The following CUL3 variants were observed in gnomAD, a reference collection of about 807,000 sequenced individuals.
CUL3 encodes cullin-3.
In CUL3, 19 loss-of-function variants were observed where a neutral mutation model predicts 89.1. That is an observed-to-expected ratio of 0.21 (90% CI 0.15 to 0.31). The LOEUF (loss-of-function observed/expected upper bound fraction) is 0.31, where lower values mean the gene tolerates loss of function less well. Among genes scored for constraint, CUL3 ranks in the 10% least tolerant of loss-of-function variants. The pLI, the probability that CUL3 is intolerant of heterozygous loss-of-function variation, is 1.00. For synonymous variants in CUL3, 351 were observed against 308.4 expected, an observed-to-expected ratio of 1.14 and a Z score of -1.45; for missense variants, 469 against 942.3, an observed-to-expected ratio of 0.50 and a Z score of 6.58.
At chr2:224,512,279 G>C (rs552622555) in intron 5 of CUL3, among the ~76,000 whole-genome samples, 5 of 151,892 alleles carry the variant, frequency 3.3e-5, no homozygotes, top group Non-Finnish European at 7.4e-5. Context: ...TGTATTTTTA[G>C]TAGAAATGGG....
intron 1 of CUL3, among the ~76,000 whole-genome samples, chr2:224,579,717 A>C (rs1384905851): frequency 5.9e-5 from 9 of 152,216 alleles, no homozygotes; most frequent in Admixed American, 3.9e-4. Flanking sequence ...GCAAGCTTTT[A>C]TAAACTAACT....
intron 1 of CUL3, among the ~76,000 whole-genome samples, chr2:224,558,564 C>T (rs1012620536): frequency 3.3e-5 from 5 of 152,138 alleles, no homozygotes; most frequent in African/African-American, 1.2e-4. Flanking sequence ...TTATTGTACT[C>T]GAAGTATAGC....
chr2:224,560,310 T>C (rs1694862963), intron 1 of CUL3: 1 of 152,202 alleles, frequency 6.6e-6, no homozygotes, highest in Admixed American at 6.5e-5. Flanking sequence ...GGAGTTGATC[T>C]ATTCTCATGG....
chr2:224,569,913 T>C (rs1402670372), intron 1 of CUL3: 1 of 252,906 alleles, frequency 4.0e-6, no homozygotes, highest in Admixed American at 3.1e-4. Flanking sequence ...AGAAAAAAAA[T>C]AAACAAGGGA....
intron 1 of CUL3, among the ~76,000 whole-genome samples, chr2:224,560,943 T>G (rs1694882095): frequency 6.6e-6 from 1 of 152,238 alleles, no homozygotes; most frequent in African/African-American, 2.4e-5. Flanking sequence ...TCAAACAAGC[T>G]GATTTCAGTG....
chr2:224,564,300 ATCT>A (rs748532968), intron 1 of CUL3, among the ~76,000 whole-genome samples: 2 of 152,144 alleles, frequency 1.3e-5, no homozygotes, highest in Non-Finnish European at 2.9e-5. Context: ...AAAAGAACAC[ATCT>A]TCTTCTATCC....
chr2:224,543,538 C>T (rs538684406), intron 2 of CUL3, among the ~76,000 whole-genome samples: 1 of 152,102 alleles, frequency 6.6e-6, no homozygotes, highest in Admixed American at 6.5e-5. Flanking sequence ...GGAGGCCACT[C>T]GTGTTTCAGA....
At chr2:224,524,228 C>T (rs1693381860) in intron 3 of CUL3, among the ~76,000 whole-genome samples, 1 of 152,086 alleles carries the variant, frequency 6.6e-6, no homozygotes, top group African/African-American at 2.4e-5. Context: ...TCCCTTCAGT[C>T]ACTTGCTGTC....
At chr2:224,512,462 C>T (rs1171588319) in intron 5 of CUL3, among the ~76,000 whole-genome samples, 1 of 152,190 alleles carries the variant, frequency 6.6e-6, no homozygotes, top group Non-Finnish European at 1.5e-5. Context: ...GTTAACTGCT[C>T]AGGTAGTTAC....
intron 5 of CUL3, 76 bp from the exon 6 acceptor site, chr2:224,511,658 T>C (rs1692831010): frequency 1.3e-6 from 1 of 763,772 alleles, no homozygotes; most frequent in South Asian, 2.1e-5. Context: ...GTTTCTACAG[T>C]GTTTATAATA....
intron 6 of CUL3, among the ~76,000 whole-genome samples, chr2:224,510,628 G>C (rs1052501106): frequency 6.6e-6 from 1 of 152,068 alleles, no homozygotes; most frequent in Non-Finnish European, 1.5e-5. Flanking sequence ...TACCATATAA[G>C]TGGTAAAGGC....
intron 6 of CUL3, among the ~76,000 whole-genome samples, chr2:224,507,365 A>G (rs994516622): frequency 6.6e-6 from 1 of 152,166 alleles, no homozygotes; most frequent in Non-Finnish European, 1.5e-5. Flanking sequence ...ACATAACTCT[A>G]ATGCAGACCT....
At chr2:224,497,686 A>C in intron 12 of CUL3, 67 bp downstream of exon 12, 1 of 1,195,842 alleles carries the variant, frequency 8.4e-7, no homozygotes, top group Non-Finnish European at 1.2e-6. Flanking sequence ...AGGTCAACAT[A>C]AATCACACAT....
intron 15 of CUL3, 85 bp from the exon 16 acceptor site, chr2:224,474,461 C>CA (rs1351050899): frequency 4.4e-6 from 5 of 1,142,724 alleles, no homozygotes; most frequent in African/African-American, 3.1e-5. Flanking sequence ...TTTTAACACT[C>CA]AGAGACTGAA....
intron 13 of CUL3, among the ~76,000 whole-genome samples, chr2:224,490,876 A>T (rs1691946057): frequency 6.6e-6 from 1 of 152,154 alleles, no homozygotes; most frequent in Non-Finnish European, 1.5e-5. Flanking sequence ...TCATAACACA[A>T]ATAATGCTAA....
chr2:224,569,682 T>TA (rs754463378), intron 1 of CUL3: 26 of 1,176,192 alleles, frequency 2.2e-5, no homozygotes, highest in African/African-American at 1.7e-5. Flanking sequence ...GTCTATTATA[T>TA]ACTTACACAT....
chr2:224,513,715 G>A lies in CUL3; in HGVS notation c.540-77C>T, dbSNP rs930539330. The A allele has an allele frequency of 2.2e-5, 22 of 1,001,152 alleles. No homozygotes were observed. The South Asian group carries it at 2.7e-4, about 12-fold the overall frequency. The allele number at this position is 1,001,152 out of a possible 1,614,324, so 62.0% of individuals were successfully genotyped here. On this transcript the variant is annotated intron_variant, in intron 4 of 15. Coordinates refer to ENST00000264414, the MANE Select transcript of CUL3 (RefSeq NM_003590.5). ...ACATAAAAATTACAAAAAGGAGTAGGTAAAAATATCTTCAGGACATTTAAC... is the reference window on the plus strand; with the variant it reads ...ACATAAAAATTACAAAAAGGAGTAGATAAAAATATCTTCAGGACATTTAAC...
At chr2:224,525,353 G>C (rs1439671655) in intron 3 of CUL3, among the ~76,000 whole-genome samples, 1 of 152,180 alleles carries the variant, frequency 6.6e-6, no homozygotes, top group African/African-American at 2.4e-5. Flanking sequence ...CAGTTATTCA[G>C]TAAATGTATG....
chr2:224,491,917 C>T (rs1161521219), intron 13 of CUL3, among the ~76,000 whole-genome samples: 1 of 152,076 alleles, frequency 6.6e-6, no homozygotes, highest in African/African-American at 2.4e-5. Context: ...AAAAGTTTTC[C>T]TATGCTGACC....
Sources: gnomAD v4.1 joint callset for allele counts (sites outside exome capture counted in the v4.1 genomes callset) on GRCh38, gnomAD v4.1.1 for gene constraint, MANE v1.5 for transcripts, NCBI Gene and HGNC (gene_info 2026-07-23, HGNC 2026-07-21) for gene names.